The following NBEAL1 variants were observed in gnomAD, a reference collection of about 807,000 sequenced individuals.
NBEAL1 encodes neurobeachin-like protein 1.
Under a neutral mutation model 351.3 loss-of-function variants are expected in NBEAL1, and 273 were observed. The observed-to-expected ratio is 0.78, with a 90% CI of 0.70 to 0.86. The LOEUF (loss-of-function observed/expected upper bound fraction) is 0.86. Ranked by LOEUF, NBEAL1 falls within the 40% of genes least tolerant of loss-of-function variation. NBEAL1 has a pLI of 0.00. For missense variants in NBEAL1, 2,961 were observed against 3,201.3 expected (o/e 0.92, Z 1.81); for synonymous variants, 1,050 against 1,086.4 (o/e 0.97, Z 0.66).
chr2:203,047,911 T>C (rs1473914031), intron 3 of NBEAL1, among the ~76,000 whole-genome samples: 1 of 150,482 alleles, frequency 6.6e-6, no homozygotes, highest in East Asian at 1.9e-4. Flanking sequence ...CCTGGTTAAT[T>C]TTTTTTTTTC....
intron 6 of NBEAL1, among the ~76,000 whole-genome samples, chr2:203,060,305 GATA>G (rs2061477738): frequency 6.6e-6 from 1 of 151,826 alleles, no homozygotes; most frequent in South Asian, 2.1e-4. Context: ...AAATTTTTTT[GATA>G]ATAACTATTA....
intron 6 of NBEAL1, among the ~76,000 whole-genome samples, chr2:203,065,838 A>G (rs928588057): frequency 1.3e-5 from 2 of 152,226 alleles, no homozygotes; most frequent in African/African-American, 4.8e-5. Context: ...CAGCCCTCTC[A>G]GAAACTGGTT....
At chr2:203,170,717 C>A (rs1290707410) in intron 39 of NBEAL1, among the ~76,000 whole-genome samples, 1 of 152,070 alleles carries the variant, frequency 6.6e-6, no homozygotes, top group Non-Finnish European at 1.5e-5. Flanking sequence ...TTTACTATTG[C>A]CAGTGAAAAA....
Position 203,167,221 on chromosome 2 carries a change from T to G in NBEAL1, c.5864-6T>G. The G allele has an allele frequency of 6.2e-7, 1 of 1,603,784 alleles. No homozygotes were observed. The highest frequency in any genetic ancestry group is 1.1e-5 in the South Asian group (1 of 88,898). On this transcript the variant is annotated splice_region_variant and splice_polypyrimidine_tract_variant and intron_variant, in intron 37 of 55. Coordinates refer to ENST00000683969, the MANE Select transcript of NBEAL1 (RefSeq NM_001378026.1). Reference sequence around the variant, plus strand: ...ATCTCAGTCACAAGATTTCTTCCGTTTTCAGGAGTAGGCTTTGATTTCAAG... The same window carrying G: ...ATCTCAGTCACAAGATTTCTTCCGTGTTCAGGAGTAGGCTTTGATTTCAAG...
intron 43 of NBEAL1, chr2:203,182,712 C>T (rs1438967857): frequency 1.3e-5 from 2 of 152,044 alleles, no homozygotes; most frequent in African/African-American, 2.4e-5. Context: ...TTTTGAAGTT[C>T]TTTTGTGTTA....
chr2:203,136,782 T>C lies in NBEAL1; in HGVS notation c.4565+8T>C, dbSNP rs763529153. On this transcript the variant is annotated splice_region_variant and intron_variant, in intron 29 of 55. Transcript: ENST00000683969. Reference sequence around the variant, plus strand: ...AGATGAAATAAAACTAACGTAAGCATTTAGTTAGTGATTTTCCATCCTCCT... The same window carrying C: ...AGATGAAATAAAACTAACGTAAGCACTTAGTTAGTGATTTTCCATCCTCCT... The C allele has an allele frequency of 1.9e-6, 3 of 1,608,960 alleles. No homozygotes were observed. The South Asian group carries it at 3.3e-5, about 18-fold the overall frequency.
intron 2 of NBEAL1, among the ~76,000 whole-genome samples, chr2:203,027,324 G>T (rs1336875525): frequency 1.3e-5 from 2 of 152,054 alleles, no homozygotes; most frequent in African/African-American, 4.8e-5. Context: ...TACAGACCCT[G>T]CTGTCTTAAA....
chr2:203,083,058 A>G (rs1190944302), intron 8 of NBEAL1, among the ~76,000 whole-genome samples, 161 bp from the exon 9 acceptor site: 1 of 152,216 alleles, frequency 6.6e-6, no homozygotes, highest in African/African-American at 2.4e-5. Flanking sequence ...AAGATTTAAT[A>G]TGTATGAACC....
intron 3 of NBEAL1, 135 bp from the exon 4 acceptor site, chr2:203,049,679 G>A (rs957823737): frequency 7.5e-6 from 5 of 666,378 alleles, no homozygotes; most frequent in South Asian, 2.4e-5. Flanking sequence ...TGTTGCAGAC[G>A]AGAAGGCACA....
At chr2:203,207,339 C>T (rs2065629728) in intron 51 of NBEAL1, among the ~76,000 whole-genome samples, 1 of 152,070 alleles carries the variant, frequency 6.6e-6, no homozygotes, top group African/African-American at 2.4e-5. Flanking sequence ...AGGTGAGGGG[C>T]GCCTCTGCCC....
intron 47 of NBEAL1, among the ~76,000 whole-genome samples, chr2:203,196,987 A>G (rs1677134796): frequency 6.6e-6 from 1 of 152,190 alleles, no homozygotes; most frequent in Non-Finnish European, 1.5e-5. Flanking sequence ...TTTCTACTTT[A>G]TATGTATGTC....
chr2:203,154,329 TA>T (rs957239887), intron 35 of NBEAL1, among the ~76,000 whole-genome samples: 10 of 151,914 alleles, frequency 6.6e-5, no homozygotes, highest in African/African-American at 2.4e-4. Context: ...TTGGAAATCA[TA>T]AAAAAAGGCA....
rs760746005 is a variant in NBEAL1, at chr2:203,068,579, A to G, written c.598+104A>G. 12 of 594,504 alleles carry G rather than the reference A, an allele frequency of 2.0e-5. No individual in the cohort carries two copies. The Admixed American group carries it at 2.9e-4, about 14-fold the overall frequency. The allele number at this position is 594,504 out of a possible 1,614,324, so 36.8% of individuals were successfully genotyped here. On this transcript the variant is annotated intron_variant, in intron 7 of 55. Coordinates refer to ENST00000683969, the MANE Select transcript of NBEAL1 (RefSeq NM_001378026.1). ...CTTGATTCAGCTTTGTTAATTTATA[A>G]AATAATGGTTGTAAGAACATGTCAC...
At chr2:203,017,367 A>G (rs2060698982) in intron 2 of NBEAL1, among the ~76,000 whole-genome samples, 2 of 152,186 alleles carry the variant, frequency 1.3e-5, no homozygotes, top group African/African-American at 4.8e-5. Context: ...TATCTGTCAT[A>G]TTAAATTTAG....
intron 44 of NBEAL1, among the ~76,000 whole-genome samples, 181 bp downstream of exon 44, chr2:203,183,569 G>C: frequency 6.6e-6 from 1 of 152,018 alleles, no homozygotes; most frequent in East Asian, 1.9e-4. Context: ...GATATAATGA[G>C]ACTATAGTAT....
At chr2:203,071,548 T>A (rs902163065) in intron 7 of NBEAL1, among the ~76,000 whole-genome samples, 1 of 152,220 alleles carries the variant, frequency 6.6e-6, no homozygotes, top group Non-Finnish European at 1.5e-5. Flanking sequence ...CCCATTCATG[T>A]ACTTAACACA....
Position 203,041,730 on chromosome 2 carries a change from G to T in NBEAL1, c.52-35G>T, listed in dbSNP as rs770537405. 6 of 1,398,372 alleles carry T rather than the reference G, an allele frequency of 4.3e-6. No individual in the cohort carries two copies. In the Admixed American group the frequency reaches 8.4e-5, roughly 20 times the overall value. 86.6% of individuals were successfully genotyped at this position (1,398,372 alleles called of 1,614,324 possible). A position where few individuals can be genotyped will look rare whatever the true frequency, so the allele number is the denominator to read the frequency against. ...AGAAGCATTTTTTTTTTCCTGATAG[G>T]CATACTTAATATTATAATGGTTTTG... On this transcript the variant is annotated intron_variant, in intron 2 of 55. Transcript: ENST00000683969.
At chr2:203,098,333 A>T (rs2062228470) in intron 11 of NBEAL1, among the ~76,000 whole-genome samples, 1 of 152,154 alleles carries the variant, frequency 6.6e-6, no homozygotes, top group Non-Finnish European at 1.5e-5. Context: ...TTATAAATAG[A>T]ATTTTTGTAT....
chr2:203,165,324 T>A (rs2064100413), intron 36 of NBEAL1, among the ~76,000 whole-genome samples: 1 of 152,214 alleles, frequency 6.6e-6, no homozygotes, highest in Non-Finnish European at 1.5e-5. Context: ...TTATCTCTAG[T>A]TCCCTTGTTA....
Sources: gnomAD v4.1 joint callset for allele counts (sites outside exome capture counted in the v4.1 genomes callset) on GRCh38, gnomAD v4.1.1 for gene constraint, MANE v1.5 for transcripts, NCBI Gene and HGNC (gene_info 2026-07-23, HGNC 2026-07-21) for gene names.